Variants in GARIN3 observed in about 807,000 individuals in gnomAD.
GARIN3 encodes the protein golgi associated RAB2 interactor family member 3.
At chr5:157,162,969 T>C in the GARIN3 span, 1 of 1,614,210 alleles carries the variant, frequency 6.2e-7, no homozygotes, top group Non-Finnish European at 8.5e-7. Flanking sequence ...CCTTCTTTTC[T>C]CTTCTTTCCT....
At chr5:157,161,976 G>T in the GARIN3 span, 1,652 of 161,282 alleles carry the variant, frequency 0.01, 31 homozygotes, top group African/African-American at 0.038. Flanking sequence ...CTGCTGTATT[G>T]CTCCTTCCTA....
chr5:157,165,634 C>T, the GARIN3 span: 1 of 1,614,182 alleles, frequency 6.2e-7, no homozygotes. Context: ...TAACTCTCTA[C>T]TGGTGGCCTC....
chr5:157,163,326 C>A, the GARIN3 span: 1 of 1,614,008 alleles, frequency 6.2e-7, no homozygotes, highest in Non-Finnish European at 8.5e-7. Flanking sequence ...CTGCTCCCGC[C>A]AGCGCTGTGG....
chr5:157,163,180 C>A, the GARIN3 span: 1 of 1,614,150 alleles, frequency 6.2e-7, no homozygotes, highest in Non-Finnish European at 8.5e-7. Context: ...ACTGGCGGCC[C>A]CCGCCATCGA....
At chr5:157,162,380 G>T in the GARIN3 span, 1 of 1,538,224 alleles carries the variant, frequency 6.5e-7, no homozygotes, top group Non-Finnish European at 8.7e-7. Context: ...CTGCAGTAAA[G>T]AAAGCTGGGA....
At chr5:157,165,774 A>T in the GARIN3 span, 1 of 1,614,138 alleles carries the variant, frequency 6.2e-7, no homozygotes, top group Non-Finnish European at 8.5e-7. Context: ...ATGATCGTGG[A>T]TGGAGATCTT....
At chr5:157,162,666 C>T in the GARIN3 span, 3 of 1,614,204 alleles carry the variant, frequency 1.9e-6, no homozygotes, top group Non-Finnish European at 2.5e-6. Context: ...AAGAGCTGAT[C>T]TTACTGGCTT....
the GARIN3 span, chr5:157,163,011 G>A: frequency 6.2e-7 from 1 of 1,614,210 alleles, no homozygotes; most frequent in South Asian, 1.1e-5. Context: ...CACTGGGCTG[G>A]GAAACTTTCT....
the GARIN3 span, chr5:157,165,583 C>T: frequency 3.1e-6 from 5 of 1,611,920 alleles, no homozygotes; most frequent in Admixed American, 1.7e-5. Context: ...TTGTTGTCTT[C>T]GGGTGGTGCG....
At chr5:157,164,308 C>T in the GARIN3 span, among the ~76,000 whole-genome samples, 70 of 152,142 alleles carry the variant, frequency 4.6e-4, no homozygotes, top group African/African-American at 1.6e-3. Context: ...CACCACCATA[C>T]CTGGCTAATT....
the GARIN3 span, chr5:157,165,683 T>A: frequency 1.7e-5 from 27 of 1,614,172 alleles, no homozygotes; most frequent in Non-Finnish European, 2.2e-5. Flanking sequence ...AAAAGAGATC[T>A]TCCCGTGTGT....
the GARIN3 span, chr5:157,163,505 T>C: frequency 3.1e-6 from 5 of 1,614,114 alleles, no homozygotes; most frequent in Non-Finnish European, 4.2e-6. Flanking sequence ...GCCCCTGGAG[T>C]GCTCGTGGAT....
the GARIN3 span, chr5:157,163,379 T>C: frequency 8.1e-6 from 13 of 1,614,176 alleles, no homozygotes; most frequent in Non-Finnish European, 9.3e-6. Flanking sequence ...GCTATGCTCA[T>C]AGCACCTGTT....
At chr5:157,165,745 GGC>G in the GARIN3 span, 1 of 1,614,166 alleles carries the variant, frequency 6.2e-7, no homozygotes, top group Non-Finnish European at 8.5e-7. Context: ...GCGAGTTTCA[GGC>G]GCAGCTGCTG....
the GARIN3 span, chr5:157,165,636 G>C: frequency 6.2e-7 from 1 of 1,614,160 alleles, no homozygotes; most frequent in Non-Finnish European, 8.5e-7. Context: ...ACTCTCTACT[G>C]GTGGCCTCAG....
the GARIN3 span, chr5:157,165,767 A>T: frequency 6.2e-7 from 1 of 1,613,982 alleles, no homozygotes; most frequent in Non-Finnish European, 8.5e-7. Context: ...GTTTCTCATG[A>T]TCGTGGATGG....
chr5:157,162,590 C>T, the GARIN3 span: 1 of 1,614,194 alleles, frequency 6.2e-7, no homozygotes, highest in South Asian at 1.1e-5. Flanking sequence ...GCCACGATAT[C>T]TACCTCTCTG....
the GARIN3 span, chr5:157,165,974 GT>G: frequency 6.2e-7 from 1 of 1,614,174 alleles, no homozygotes; most frequent in Non-Finnish European, 8.5e-7. Flanking sequence ...TTCGGACACG[GT>G]TGTGTACATC....
At chr5:157,163,633 T>C in the GARIN3 span, 1 of 1,613,724 alleles carries the variant, frequency 6.2e-7, no homozygotes, top group Non-Finnish European at 8.5e-7. Context: ...CTCACTCTGA[T>C]CCCCTTCTCT....
Sources: gnomAD v4.1 joint callset for allele counts (sites outside exome capture counted in the v4.1 genomes callset) on GRCh38, gnomAD v4.1.1 for gene constraint, MANE v1.5 for transcripts, NCBI Gene and HGNC (gene_info 2026-07-23, HGNC 2026-07-21) for gene names.